MMEL1: variants seen among roughly 807,000 people sequenced by gnomAD.
The protein encoded by MMEL1 is membrane metalloendopeptidase like 1, also known as membrane metallo-endopeptidase-like 1.
MMEL1 carries 98 observed loss-of-function variants against 117.1 expected under a neutral mutation model. The observed-to-expected ratio is 0.84, with a 90% CI of 0.71 to 0.99. The LOEUF (loss-of-function observed/expected upper bound fraction) is 0.99. MMEL1 is among the 50% of genes least tolerant of loss of function. MMEL1 has a pLI of 0.00. For synonymous variants in MMEL1, 390 were observed against 415.1 expected (o/e 0.94, Z 0.74); for missense variants, 1,014 against 1,049.1 (o/e 0.97, Z 0.46).
intron 2 of MMEL1, among the ~76,000 whole-genome samples, chr1:2,619,231 C>G (rs1645252683): frequency 6.6e-6 from 1 of 152,216 alleles, no homozygotes; most frequent in Non-Finnish European, 1.5e-5. Context: ...CAACCTAGGT[C>G]AGATGACCCC....
intron 18 of MMEL1, 71 bp downstream of exon 18, chr1:2,594,313 AG>A (rs1644795274): frequency 4.8e-6 from 7 of 1,448,468 alleles, no homozygotes; most frequent in Non-Finnish European, 6.6e-6. Flanking sequence ...AGGGATGGGC[AG>A]GGGGCTGCAA....
At chr1:2,609,533 C>A in intron 5 of MMEL1, 114 bp from the exon 6 acceptor site, 2 of 1,514,286 alleles carry the variant, frequency 1.3e-6, no homozygotes, top group Middle Eastern at 1.7e-4. Flanking sequence ...GCTGCTGGGT[C>A]TTTATTCCCT....
chr1:2,608,297 A>T (rs1278359278), intron 6 of MMEL1, among the ~76,000 whole-genome samples: 1 of 152,156 alleles, frequency 6.6e-6, no homozygotes, highest in Non-Finnish European at 1.5e-5. Flanking sequence ...TCTCTACAGC[A>T]GCCACAACCA....
Position 2,612,914 on chromosome 1 carries a change from C to A in MMEL1, c.155-710G>T, listed in dbSNP as rs991320055. Among the ~76,000 whole-genome samples, 2 of 152,176 alleles carry A rather than the reference C, an allele frequency of 1.3e-5. No homozygotes were observed. Among genetic ancestry groups the A allele is most frequent in the Non-Finnish European group, 2.9e-5 (2 of 68,028 alleles). On this transcript the variant is annotated intron_variant, in intron 2 of 23. Coordinates refer to ENST00000378412, the MANE Select transcript of MMEL1 (RefSeq NM_033467.4). This position sits in a 1 kb window ranked among gnomAD's most constrained non-coding sequence, Gnocchi z 5.4. Reference sequence around the variant, plus strand: ...GACCTGGCTTGTGGCCGAATTTCCCCAGCAGTGAGGTACACAGAGGACTGA... The same window carrying A: ...GACCTGGCTTGTGGCCGAATTTCCCAAGCAGTGAGGTACACAGAGGACTGA...
intron 2 of MMEL1, among the ~76,000 whole-genome samples, chr1:2,613,279 G>A (rs1057494797): frequency 3.9e-5 from 6 of 152,224 alleles, no homozygotes; most frequent in Non-Finnish European, 8.8e-5. Flanking sequence ...GGCCAGCAAC[G>A]GAAAGGAGGT....
intron 8 of MMEL1, 91 bp downstream of exon 8, chr1:2,606,157 G>T: frequency 9.7e-7 from 1 of 1,028,884 alleles, no homozygotes; most frequent in Non-Finnish European, 1.5e-6. Flanking sequence ...GGAGCTCCCT[G>T]TCGGCCTGGC....
At position 2,598,731 on chromosome 1, in the gene MMEL1, C is replaced by G; in HGVS notation, c.1101G>C (p.Leu367=). 1 of 1,614,124 alleles carries G rather than the reference C, an allele frequency of 6.2e-7. No individual in the cohort carries two copies. Among genetic ancestry groups the G allele is most frequent in the Non-Finnish European group, 8.5e-7 (1 of 1,180,004 alleles). The change falls in exon 12 of 24, where the codon CTG becomes CTC. Residue 367 remains leucine (L), a synonymous_variant. Transcript: ENST00000378412. ...TVLSSVKIKL[L]PDEEVVVYGI... ...CATAGACCACCACTTCCTCATCTGG[C>G]AGCAGCTTGATTTTGACAGAGGATA...
At position 2,590,859 on chromosome 1, in the gene MMEL1, G is replaced by T; in HGVS notation, c.*131C>A. The T allele has an allele frequency of 1.5e-6, 1 of 658,282 alleles. No homozygotes were observed. The highest frequency in any genetic ancestry group is 2.3e-6 in the Non-Finnish European group (1 of 436,650). The allele number at this position is 658,282 out of a possible 1,614,324, so 40.8% of individuals were successfully genotyped here. A position where few individuals can be genotyped will look rare whatever the true frequency, so the allele number is the denominator to read the frequency against. ...GTGGCTGCACCCTAGGCCAGGCGCAGAGGCCTGGCAGGCAGGCTTGGCATG... is the reference window on the plus strand; with the variant it reads ...GTGGCTGCACCCTAGGCCAGGCGCATAGGCCTGGCAGGCAGGCTTGGCATG... On this transcript the variant is annotated 3_prime_UTR_variant, in exon 24 of 24. Transcript: ENST00000378412.
At chr1:2,623,721 G>C (rs1166389092) in intron 2 of MMEL1, among the ~76,000 whole-genome samples, 2 of 152,240 alleles carry the variant, frequency 1.3e-5, no homozygotes, top group African/African-American at 2.4e-5. Context: ...GAGAAAGGCT[G>C]GGGCAGGTCT....
intron 13 of MMEL1, among the ~76,000 whole-genome samples, 168 bp from the exon 14 acceptor site, chr1:2,596,857 C>T (rs549715803): frequency 2.6e-5 from 4 of 152,028 alleles, no homozygotes; most frequent in Admixed American, 6.5e-5. Flanking sequence ...GGTGCTGCTG[C>T]GGCGGGGGGA....
At chr1:2,598,833 G>A in intron 11 of MMEL1, 43 bp from the exon 12 acceptor site, 1 of 1,520,812 alleles carries the variant, frequency 6.6e-7, no homozygotes, top group Non-Finnish European at 9.0e-7. Flanking sequence ...GAGAGAGAGA[G>A]GGAGAAACAG....
chr1:2,613,566 C>T lies in MMEL1; in HGVS notation c.155-1362G>A, dbSNP rs1034440741. Among the ~76,000 whole-genome samples, 12 of 152,240 alleles carry T rather than the reference C, an allele frequency of 7.9e-5. No homozygotes were observed. In the South Asian group the frequency reaches 8.3e-4, roughly 11 times the overall value. ...CAGCATGGGCACTTTTAGAAACCCA[C>T]GAGAGCTGAGGACATAGAGAAACCA... On this transcript the variant is annotated intron_variant, in intron 2 of 23. Transcript: ENST00000378412.
intron 2 of MMEL1, among the ~76,000 whole-genome samples, chr1:2,619,044 AG>A (rs1200595190): frequency 3.9e-5 from 6 of 152,208 alleles, no homozygotes; most frequent in African/African-American, 1.4e-4. Flanking sequence ...TTTGGCCAAC[AG>A]AATGAGGTGG....
chr1:2,622,312 C>T (rs148464819), intron 2 of MMEL1, among the ~76,000 whole-genome samples: 2,097 of 152,302 alleles, frequency 0.014, 23 homozygotes, highest in Admixed American at 0.024. Context: ...TGCTGAAATA[C>T]CAACACCGGT....
chr1:2,596,233 C>A, intron 14 of MMEL1, 126 bp from the exon 15 acceptor site: 1 of 905,328 alleles, frequency 1.1e-6, no homozygotes. Context: ...CAGCTGTGGG[C>A]CTCTCAGGTG....
At chr1:2,607,535 C>T (rs2100944496) in intron 6 of MMEL1, among the ~76,000 whole-genome samples, 1 of 152,172 alleles carries the variant, frequency 6.6e-6, no homozygotes, top group Non-Finnish European at 1.5e-5. Flanking sequence ...TGTGTCTCGG[C>T]TCAGCACGGT....
chr1:2,598,894 A>C (rs946827770), intron 11 of MMEL1, 104 bp from the exon 12 acceptor site: 3 of 945,058 alleles, frequency 3.2e-6, no homozygotes, highest in Admixed American at 2.9e-5. Context: ...TTCAAGGAAT[A>C]AGAGAGAAGT....
intron 23 of MMEL1, 88 bp downstream of exon 23, chr1:2,591,469 C>G (rs971556576): frequency 2.7e-6 from 3 of 1,121,318 alleles, no homozygotes; most frequent in Non-Finnish European, 4.1e-6. Context: ...TGTTGAGCCA[C>G]TTTTTGTGCT....
chr1:2,591,257 T>C (rs958807313), intron 23 of MMEL1, 168 bp from the exon 24 acceptor site: 1 of 601,344 alleles, frequency 1.7e-6, no homozygotes, highest in African/African-American at 1.9e-5. Flanking sequence ...ACCAGAAACA[T>C]GCCAATCCTG....
Sources: allele counts gnomAD v4.1 joint callset (sites outside exome capture counted in the v4.1 genomes callset), GRCh38; gene constraint gnomAD v4.1.1; non-coding constraint Gnocchi (gnomAD v3.1); transcripts MANE v1.5; gene names NCBI Gene and HGNC (gene_info 2026-07-23, HGNC 2026-07-21).